The following GALNT12 variants were observed in gnomAD, a reference collection of about 807,000 sequenced individuals.
GALNT12 encodes UDP-GalNAc:polypeptide N-acetylgalactosaminyltransferase 12.
GALNT12 carries 45 observed loss-of-function variants against 55.5 expected under a neutral mutation model. The ratio of observed to expected loss-of-function variants is 0.81; its 90% CI spans 0.64 to 1.04. GALNT12 has a LOEUF of 1.04. GALNT12 is among the 50% of genes least tolerant of loss of function. The pLI is 0.00. For synonymous variants in GALNT12, 304 were observed against 312.2 expected, an observed-to-expected ratio of 0.97 and a Z score of 0.28; for missense variants, 709 against 754.8, an observed-to-expected ratio of 0.94 and a Z score of 0.71.
Position 98,849,113 on chromosome 9 carries a change from C to T in GALNT12, c.*21C>T, listed in dbSNP as rs754080823. The T allele has an allele frequency of 4.3e-6, 7 of 1,613,774 alleles. No individual in the cohort carries two copies. The Admixed American group carries it at 1.2e-4, about 27-fold the overall frequency. The stretch of plus-strand genomic sequence containing the variant: ...TATGAAGCCTCGTGTATCAAGGAGC[C>T]CATCGAAGGAGACTGTGGAGCCAGG... On this transcript the variant is annotated 3_prime_UTR_variant, in exon 10 of 10. Coordinates refer to ENST00000375011, the MANE Select transcript of GALNT12 (RefSeq NM_024642.5).
At position 98,826,973 on chromosome 9, in the gene GALNT12, C is replaced by G. The variant is rs553628501; in HGVS notation, c.731+32C>G. ...GAGCCGCCCACCATGGGAGAGACAG[C>G]ATGTTACCTGGAGTAGGTAGCATGA... On this transcript the variant is annotated intron_variant, in intron 3 of 9. Transcript: ENST00000375011. The G allele has an allele frequency of 5.2e-6, 8 of 1,549,122 alleles. No homozygotes were observed. In the South Asian group the frequency reaches 9.5e-5, roughly 18 times the overall value.
At position 98,839,988 on chromosome 9, in the gene GALNT12, T is replaced by C. The variant is rs745768771; in HGVS notation, c.1213-14T>C. On this transcript the variant is annotated splice_polypyrimidine_tract_variant and intron_variant, in intron 6 of 9. Coordinates refer to ENST00000375011, the MANE Select transcript of GALNT12 (RefSeq NM_024642.5). ...TAGGACCCATGGGGTCTCACTGTTT[T>C]GTTGTTTTCTCAGGAACCTTTTGGG... 42 of 1,613,896 alleles carry C rather than the reference T, an allele frequency of 2.6e-5. No individual in the cohort carries two copies. The highest frequency in any genetic ancestry group is 3.4e-5 in the Non-Finnish European group (40 of 1,179,942).
chr9:98,848,136 T>C (rs1836463243), intron 9 of GALNT12, among the ~76,000 whole-genome samples: 1 of 152,114 alleles, frequency 6.6e-6, no homozygotes, highest in Admixed American at 6.5e-5. Flanking sequence ...TATGTAGGCC[T>C]AAAAACCTCT....
At chr9:98,818,486 A>G (rs1432300632) in intron 1 of GALNT12, among the ~76,000 whole-genome samples, 1 of 151,592 alleles carries the variant, frequency 6.6e-6, no homozygotes, top group African/African-American at 2.4e-5. Flanking sequence ...CGGCCTTCCA[A>G]AGTGCTGGGA....
At chr9:98,818,426 C>T (rs746933485) in intron 1 of GALNT12, among the ~76,000 whole-genome samples, 4 of 152,034 alleles carry the variant, frequency 2.6e-5, no homozygotes, top group Non-Finnish European at 4.4e-5. Context: ...GGTTTCGCCA[C>T]GTTGGTCAGG....
rs762919200 is a variant in GALNT12 at position 98,823,419 on chromosome 9, G to A, written c.535G>A (p.Asp179Asn). 2 of 1,613,936 alleles carry A rather than the reference G, an allele frequency of 1.2e-6. No individual in the cohort carries two copies. The highest frequency in any genetic ancestry group is 1.7e-6 in the Non-Finnish European group (2 of 1,179,900). Residue 179 changes from aspartate to asparagine, a missense_variant, in exon 2 of 10, where the codon GAT (aspartate) becomes AAT (asparagine). Transcript: ENST00000375011. The stretch of plus-strand genomic sequence containing the variant: ...AGTGATCCTTGTAGATGACTACAGT[G>A]ATAGAGGTGAGTCCCGGCCAGGGCT... ...EEVILVDDYS[D>N]REHLKERLAN...
chr9:98,838,335 C>T (rs1836205822), intron 6 of GALNT12, among the ~76,000 whole-genome samples: 1 of 152,240 alleles, frequency 6.6e-6, no homozygotes, highest in Non-Finnish European at 1.5e-5. Flanking sequence ...TTCCTCCCCA[C>T]TCAGAGGCCT....
At chr9:98,845,814 G>T (rs1018022621) in intron 8 of GALNT12, among the ~76,000 whole-genome samples, 163 bp from the exon 9 acceptor site, 1 of 152,162 alleles carries the variant, frequency 6.6e-6, no homozygotes, top group Non-Finnish European at 1.5e-5. Flanking sequence ...TTCACTGAGG[G>T]CTGTGGGATG....
In GALNT12 at chr9:98,844,398, C is replaced by T. The variant is rs10819379; in HGVS notation, c.1458+189C>T. On this transcript the variant is annotated intron_variant, in intron 8 of 9. Transcript: ENST00000375011. ...CCCATCATTTTTTACACATAACACA[C>T]AGAGATTATGTGTTGTAAATAGTTG... 89,475 of 602,444 alleles carry T rather than the reference C, an allele frequency of 0.15. 8,617 individuals are homozygous for T. The highest frequency in any genetic ancestry group is 0.31 in the African/African-American group (16,612 of 53,908). 37.3% of individuals were successfully genotyped at this position (602,444 alleles called of 1,614,324 possible). A position where few individuals can be genotyped will look rare whatever the true frequency, so the allele number is the denominator to read the frequency against.
At chr9:98,845,758 T>C (rs1046773001) in intron 8 of GALNT12, among the ~76,000 whole-genome samples, 1 of 152,004 alleles carries the variant, frequency 6.6e-6, no homozygotes, top group Admixed American at 6.6e-5. Context: ...TGGGCAGGCA[T>C]GGGAAGGGCC....
At chr9:98,847,932 T>G (rs374870781) in intron 9 of GALNT12, among the ~76,000 whole-genome samples, 1 of 151,116 alleles carries the variant, frequency 6.6e-6, no homozygotes, top group Non-Finnish European at 1.5e-5. Flanking sequence ...CCTGTCTCAG[T>G]CTCCTGAGTA....
chr9:98,833,451 A>T (rs1473689606), intron 4 of GALNT12, among the ~76,000 whole-genome samples: 1 of 152,168 alleles, frequency 6.6e-6, no homozygotes, highest in African/African-American at 2.4e-5. Flanking sequence ...GACCCTGAGC[A>T]GGTAGAAGCC....
chr9:98,840,357 T>G (rs1218500498), intron 7 of GALNT12, among the ~76,000 whole-genome samples: 1 of 151,494 alleles, frequency 6.6e-6, no homozygotes. Flanking sequence ...ATCTCAAAAT[T>G]GACAACTATT....
intron 2 of GALNT12, among the ~76,000 whole-genome samples, chr9:98,824,588 T>G (rs1588445369): frequency 6.6e-6 from 1 of 152,278 alleles, no homozygotes; most frequent in African/African-American, 2.4e-5. Flanking sequence ...GAGCAGTGTC[T>G]GTGACAGCGT....
At chr9:98,812,121 T>G (rs1013326598) in intron 1 of GALNT12, among the ~76,000 whole-genome samples, 1 of 152,246 alleles carries the variant, frequency 6.6e-6, no homozygotes, top group Admixed American at 6.5e-5. Flanking sequence ...TAGATCCATC[T>G]TGAGAACATC....
chr9:98,834,749 A>G (rs1836091678), intron 4 of GALNT12, among the ~76,000 whole-genome samples: 1 of 152,080 alleles, frequency 6.6e-6, no homozygotes, highest in African/African-American at 2.4e-5. Flanking sequence ...TCCTCAGATG[A>G]CCATGGCCTG....
chr9:98,840,597 G>A (rs1223707636), intron 7 of GALNT12, among the ~76,000 whole-genome samples: 1 of 152,168 alleles, frequency 6.6e-6, no homozygotes, highest in Non-Finnish European at 1.5e-5. Context: ...TGTTTTTGCT[G>A]GGAATGACAC....
intron 3 of GALNT12, among the ~76,000 whole-genome samples, chr9:98,830,788 C>T (rs1835974900): frequency 6.6e-6 from 1 of 152,214 alleles, no homozygotes; most frequent in African/African-American, 2.4e-5. Flanking sequence ...GTGCAATTTC[C>T]CGATAGTTGT....
At chr9:98,835,428 G>A in intron 5 of GALNT12, 62 bp downstream of exon 5, 1 of 1,063,472 alleles carries the variant, frequency 9.4e-7, no homozygotes, top group Non-Finnish European at 1.5e-6. Flanking sequence ...GGGAACGATG[G>A]GATTTGCTGT....
Sources: allele counts gnomAD v4.1 joint callset (sites outside exome capture counted in the v4.1 genomes callset), GRCh38; gene constraint gnomAD v4.1.1; transcripts MANE v1.5; gene names NCBI Gene and HGNC (gene_info 2026-07-23, HGNC 2026-07-21).